BMPR1B: variants seen among roughly 807,000 people sequenced by gnomAD.
BMPR1B encodes the protein bone morphogenetic protein receptor type-1B.
BMPR1B carries 12 observed loss-of-function variants against 59.1 expected under a neutral mutation model. That is an observed-to-expected ratio of 0.20 (90% CI 0.13 to 0.33). The LOEUF (loss-of-function observed/expected upper bound fraction) is 0.33, where lower values mean the gene tolerates loss of function less well. Ranked by LOEUF, BMPR1B falls within the 10% of genes least tolerant of loss-of-function variation. The pLI is 1.00. For synonymous variants in BMPR1B, 237 were observed against 207.3 expected (o/e 1.14, Z -1.23); for missense variants, 550 against 610.9 (o/e 0.90, Z 1.05).
intron 2 of BMPR1B, among the ~76,000 whole-genome samples, chr4:94,931,634 TATC>T (rs1729094619): frequency 2.0e-5 from 3 of 152,086 alleles, no homozygotes; most frequent in African/African-American, 7.2e-5. Flanking sequence ...TTTTTTAGGA[TATC>T]ATATTTAGAG....
At chr4:94,944,405 T>G (rs1277908716) in intron 2 of BMPR1B, among the ~76,000 whole-genome samples, 1 of 152,176 alleles carries the variant, frequency 6.6e-6, no homozygotes, top group African/African-American at 2.4e-5. Flanking sequence ...TACTTAACAT[T>G]ACATGCCATA....
At chr4:94,912,825 C>A (rs528413972) in intron 2 of BMPR1B, among the ~76,000 whole-genome samples, 7 of 152,042 alleles carry the variant, frequency 4.6e-5, no homozygotes, top group Non-Finnish European at 1.0e-4. Context: ...TACAACTAGC[C>A]GTATCTCTTC....
At chr4:94,792,517 A>G (rs949220091) in intron 1 of BMPR1B, among the ~76,000 whole-genome samples, 5 of 151,882 alleles carry the variant, frequency 3.3e-5, no homozygotes, top group African/African-American at 9.7e-5. Context: ...TGCTTTTTTT[A>G]GTACTTTGAT....
intron 2 of BMPR1B, among the ~76,000 whole-genome samples, chr4:94,941,919 A>G (rs1442379451): frequency 6.6e-6 from 1 of 152,232 alleles, no homozygotes; most frequent in African/African-American, 2.4e-5. Flanking sequence ...AGCTGTGCCC[A>G]AACATTTCAA....
intron 1 of BMPR1B, among the ~76,000 whole-genome samples, chr4:94,781,190 T>C (rs1419080345): frequency 6.6e-6 from 1 of 152,152 alleles, no homozygotes; most frequent in Non-Finnish European, 1.5e-5. Flanking sequence ...CTTTTTGTTA[T>C]GGAGTTGTAA....
At chr4:95,117,927 G>A (rs1732192637) in intron 6 of BMPR1B, among the ~76,000 whole-genome samples, 1 of 152,180 alleles carries the variant, frequency 6.6e-6, no homozygotes, top group South Asian at 2.1e-4. Context: ...AAAGGACAGA[G>A]TAAAAAGGCT....
At chr4:94,773,143 G>A (rs1722247460) in intron 1 of BMPR1B, among the ~76,000 whole-genome samples, 1 of 152,028 alleles carries the variant, frequency 6.6e-6, no homozygotes, top group Non-Finnish European at 1.5e-5. Flanking sequence ...AGGAAGTCAA[G>A]TAGTATGTTG....
intron 2 of BMPR1B, among the ~76,000 whole-genome samples, chr4:94,896,811 C>G (rs1358528433): frequency 6.6e-6 from 1 of 151,868 alleles, no homozygotes; most frequent in Non-Finnish European, 1.5e-5. Flanking sequence ...CAAAGTAAGA[C>G]CCTATTGTAA....
At chr4:95,053,281 TTGTGTGTGTGTGTGTGTGTGTG>T (rs60404669) in intron 3 of BMPR1B, among the ~76,000 whole-genome samples, 1 of 134,252 alleles carries the variant, frequency 7.4e-6, no homozygotes, top group African/African-American at 2.8e-5. Context: ...TGCAGGGCAC[TTGTGTGTGTGTGTGTGTGTGTG>T]TGTGTGTGTG....
intron 3 of BMPR1B, among the ~76,000 whole-genome samples, chr4:95,043,892 A>G (rs1725850815): frequency 6.6e-6 from 1 of 152,178 alleles, no homozygotes; most frequent in African/African-American, 2.4e-5. Flanking sequence ...TAATGACAGT[A>G]TTTGTATTAG....
At chr4:94,964,917 T>C (rs1483977986) in intron 2 of BMPR1B, among the ~76,000 whole-genome samples, 1 of 152,154 alleles carries the variant, frequency 6.6e-6, no homozygotes, top group East Asian at 1.9e-4. Flanking sequence ...ACACAAATGG[T>C]ATTCTCCTAC....
chr4:94,962,446 T>A (rs1730407450), intron 2 of BMPR1B, among the ~76,000 whole-genome samples: 1 of 152,132 alleles, frequency 6.6e-6, no homozygotes, highest in Non-Finnish European at 1.5e-5. Flanking sequence ...GCAGTATGTT[T>A]GTACCCATTA....
intron 2 of BMPR1B, among the ~76,000 whole-genome samples, chr4:94,945,870 C>T (rs1007938905): frequency 7.9e-5 from 12 of 151,988 alleles, no homozygotes; most frequent in African/African-American, 2.9e-4. Flanking sequence ...CCTCATCATA[C>T]TTTTTTAAAA....
chr4:94,831,958 C>T (rs982722243), intron 1 of BMPR1B, among the ~76,000 whole-genome samples: 1 of 152,150 alleles, frequency 6.6e-6, no homozygotes, highest in East Asian at 1.9e-4. Context: ...CCCATCACTC[C>T]CAGGTGGGAT....
chr4:94,765,797 T>C (rs1721947996), intron 1 of BMPR1B, among the ~76,000 whole-genome samples: 1 of 152,182 alleles, frequency 6.6e-6, no homozygotes, highest in Admixed American at 6.5e-5. Flanking sequence ...TCCCAGTGTG[T>C]TTCATGGAAC....
At chr4:95,034,405 G>C (rs984937831) in intron 3 of BMPR1B, among the ~76,000 whole-genome samples, 1 of 151,872 alleles carries the variant, frequency 6.6e-6, no homozygotes, top group African/African-American at 2.4e-5. Context: ...ACTGTACCCG[G>C]TGTGTAGTCT....
At chr4:95,039,650 GT>G (rs1725510639) in intron 3 of BMPR1B, among the ~76,000 whole-genome samples, 1 of 152,176 alleles carries the variant, frequency 6.6e-6, no homozygotes, top group Non-Finnish European at 1.5e-5. Context: ...AGATGAAAAG[GT>G]TTAGCACAAC....
At chr4:94,869,308 C>A (rs1416678888) in intron 1 of BMPR1B, among the ~76,000 whole-genome samples, 1 of 152,090 alleles carries the variant, frequency 6.6e-6, no homozygotes, top group Non-Finnish European at 1.5e-5. Context: ...ACTTCTTTTT[C>A]TTTAAACCTT....
At chr4:94,969,887 T>C (rs1348072838) in intron 2 of BMPR1B, among the ~76,000 whole-genome samples, 9 of 152,202 alleles carry the variant, frequency 5.9e-5, no homozygotes, top group Non-Finnish European at 1.2e-4. Context: ...TCTTTAAGTT[T>C]AAAAATCTAA....
Sources: gnomAD v4.1 joint callset for allele counts (sites outside exome capture counted in the v4.1 genomes callset) on GRCh38, gnomAD v4.1.1 for gene constraint, MANE v1.5 for transcripts, NCBI Gene and HGNC (gene_info 2026-07-23, HGNC 2026-07-21) for gene names.